Variants in BIN1 observed in about 807,000 individuals in gnomAD.
BIN1 encodes the protein myc box-dependent-interacting protein 1.
BIN1 carries 53 observed loss-of-function variants against 82.0 expected under a neutral mutation model. The ratio of observed to expected loss-of-function variants is 0.65; its 90% CI spans 0.52 to 0.81. BIN1 has a LOEUF of 0.81. Ranked by LOEUF, BIN1 falls within the 40% of genes least tolerant of loss-of-function variation. BIN1 has a pLI of 0.00. For synonymous variants in BIN1, 302 were observed against 328.0 expected, an observed-to-expected ratio of 0.92 and a Z score of 0.86; for missense variants, 642 against 784.4, an observed-to-expected ratio of 0.82 and a Z score of 2.17.
intron 4 of BIN1, among the ~76,000 whole-genome samples, 169 bp downstream of exon 4, chr2:127,070,384 C>T (rs1159190443): frequency 6.6e-6 from 1 of 152,172 alleles, no homozygotes. Flanking sequence ...GGTGTGAGGG[C>T]GTGTCAGGAG....
intron 2 of BIN1, among the ~76,000 whole-genome samples, chr2:127,071,494 A>G (rs1685892327): frequency 6.6e-6 from 1 of 152,194 alleles, no homozygotes; most frequent in Admixed American, 6.5e-5. Flanking sequence ...CTCCCTGAGC[A>G]GGGAGAGTGT....
rs575072529 is a variant in BIN1, at chr2:127,107,048, C to G, written c.-105G>C. 46 of 1,148,666 alleles carry G rather than the reference C, an allele frequency of 4.0e-5. No individual in the cohort carries two copies. The African/African-American group carries it at 5.1e-4, about 13-fold the overall frequency. 71.2% of individuals were successfully genotyped at this position (1,148,666 alleles called of 1,614,324 possible). A position where few individuals can be genotyped will look rare whatever the true frequency, so the allele number is the denominator to read the frequency against. On this transcript the variant is annotated 5_prime_UTR_variant, in exon 1 of 19. Transcript: ENST00000316724. This position sits in a 1 kb window ranked among gnomAD's most constrained non-coding sequence, Gnocchi z 5.9. ...CCGGCCGCGCGTCCAGACCGGCTGC[C>G]GCTCCACGCCGCGCACCCGACAGCG... is the stretch of plus-strand genomic sequence containing the variant.
chr2:127,098,636 C>T (rs897053311), intron 1 of BIN1, among the ~76,000 whole-genome samples: 8 of 152,068 alleles, frequency 5.3e-5, no homozygotes, highest in Non-Finnish European at 7.4e-5. Context: ...CAACGGGGGC[C>T]GAAGGTGCAG....
chr2:127,081,788 A>G, intron 1 of BIN1: 1 of 1,284,100 alleles, frequency 7.8e-7, no homozygotes, highest in Non-Finnish European at 1.0e-6. Flanking sequence ...CCAGGCACCC[A>G]CCACCCAGCT....
At chr2:127,083,088 T>C (rs1687505616) in intron 1 of BIN1, among the ~76,000 whole-genome samples, 1 of 151,700 alleles carries the variant, frequency 6.6e-6, no homozygotes, top group African/African-American at 2.4e-5. Flanking sequence ...CTTTTTTTTT[T>C]TTTCTTTTTT....
intron 1 of BIN1, among the ~76,000 whole-genome samples, chr2:127,097,657 C>A (rs1397657812): frequency 6.6e-6 from 1 of 152,226 alleles, no homozygotes; most frequent in Non-Finnish European, 1.5e-5. Context: ...AGACTCCAGG[C>A]TCATCCCCTC....
intron 1 of BIN1, among the ~76,000 whole-genome samples, chr2:127,100,494 G>A (rs1168088616): frequency 2.6e-5 from 4 of 152,212 alleles, no homozygotes; most frequent in Non-Finnish European, 5.9e-5. Flanking sequence ...GGAGGTAGAA[G>A]CCCAGACGGC....
intron 1 of BIN1, among the ~76,000 whole-genome samples, chr2:127,083,497 C>G (rs1277851512): frequency 6.6e-6 from 1 of 152,220 alleles, no homozygotes. Flanking sequence ...CCCCTAAATA[C>G]TCCAACAGAT....
chr2:127,081,735 C>A (rs1456926518), intron 1 of BIN1: 1 of 1,214,364 alleles, frequency 8.2e-7, no homozygotes, highest in Non-Finnish European at 1.1e-6. Context: ...ACCCCACCCC[C>A]ACACACACAT....
intron 7 of BIN1, among the ~76,000 whole-genome samples, chr2:127,065,830 G>A (rs569046463): frequency 1.9e-4 from 29 of 152,326 alleles, no homozygotes; most frequent in Admixed American, 3.3e-4. Flanking sequence ...GTCAGGACCC[G>A]TGTCTTGTAT....
At position 127,106,970 on chromosome 2, in the gene BIN1, G is replaced by A. The variant is rs11554586; in HGVS notation, c.-27C>T. ...GCGGCGCAGGCCTCGCCCGGTGGCA[G>A]GGGCCGCTCTCGCGCGGGGAGATCT... is the stretch of plus-strand genomic sequence containing the variant. On this transcript the variant is annotated 5_prime_UTR_variant, in exon 1 of 19. Transcript: ENST00000316724. 260,673 of 1,600,126 alleles carry A rather than the reference G, an allele frequency of 0.16. 22,851 individuals are homozygous for A. Among genetic ancestry groups the A allele is most frequent in the Non-Finnish European group, 0.18 (212,208 of 1,175,274 alleles).
At chr2:127,087,170 C>T (rs192679491) in intron 1 of BIN1, among the ~76,000 whole-genome samples, 9 of 152,304 alleles carry the variant, frequency 5.9e-5, no homozygotes, top group Admixed American at 5.2e-4. Flanking sequence ...TGGTCAAAAA[C>T]GAAAACACAG....
chr2:127,073,410 C>T lies in BIN1; in HGVS notation c.166-2594G>A, dbSNP rs531262787. Among the ~76,000 whole-genome samples the T allele has an allele frequency of 1.7e-4, 26 of 152,314 alleles. No individual in the cohort carries two copies. The East Asian group carries it at 2.3e-3, about 14-fold the overall frequency. On this transcript the variant is annotated intron_variant, in intron 2 of 18. Transcript: ENST00000316724. ...AGCCCAGCTGGGGGAAGATAAGATTCGGGAGCCACTGCCCACCTCAGCCTG... is the reference window on the plus strand; with the variant it reads ...AGCCCAGCTGGGGGAAGATAAGATTTGGGAGCCACTGCCCACCTCAGCCTG...
At chr2:127,089,226 C>T (rs909131524) in intron 1 of BIN1, among the ~76,000 whole-genome samples, 1 of 152,206 alleles carries the variant, frequency 6.6e-6, no homozygotes, top group Non-Finnish European at 1.5e-5. Flanking sequence ...AACCACTGCA[C>T]ATGCGGCCTC....
At chr2:127,072,301 G>T (rs1685988478) in intron 2 of BIN1, among the ~76,000 whole-genome samples, 1 of 152,274 alleles carries the variant, frequency 6.6e-6, no homozygotes, top group South Asian at 2.1e-4. Flanking sequence ...CCTTAGCCGG[G>T]GCTGCTCTTC....
chr2:127,057,807 G>A lies in BIN1; in HGVS notation c.1003-206C>T, dbSNP rs1250079900. ...CCAAGACCCCAGGCCACCCCCGAGA[G>A]GGACACTGAGGCAGGCGGTCCAGAA... On this transcript the variant is annotated intron_variant, in intron 11 of 18. Transcript: ENST00000316724. The surrounding 1 kb of genome is among the most constrained non-coding windows in gnomAD (Gnocchi z 5.0). Among the ~76,000 whole-genome samples the A allele has an allele frequency of 6.6e-6, 1 of 151,928 alleles. No individual in the cohort carries two copies. Among genetic ancestry groups the A allele is most frequent in the African/African-American group, 2.4e-5 (1 of 41,332 alleles).
chr2:127,050,677 G>A lies in BIN1; in HGVS notation c.1572+125C>T. 4.5e-6 allele frequency: 6 copies of A among 1,341,084 alleles called. No individual in the cohort carries two copies. The South Asian group carries it at 7.2e-5, about 16-fold the overall frequency. 83.1% of individuals were successfully genotyped at this position (1,341,084 alleles called of 1,614,324 possible). ...TATGGGGCTCAGATGCCACCTTGCT[G>A]GCTGGGAGTGACCTAGTAGCGCCTG... On this transcript the variant is annotated intron_variant, in intron 17 of 18. Transcript: ENST00000316724.
intron 2 of BIN1, among the ~76,000 whole-genome samples, chr2:127,073,512 C>T (rs1474309707): frequency 1.3e-5 from 2 of 152,144 alleles, no homozygotes; most frequent in African/African-American, 4.8e-5. Context: ...GCCAGCATCC[C>T]CAAGCCCTCG....
At chr2:127,099,034 G>T (rs1573806303) in intron 1 of BIN1, among the ~76,000 whole-genome samples, 1 of 152,296 alleles carries the variant, frequency 6.6e-6, no homozygotes, top group African/African-American at 2.4e-5. Flanking sequence ...GGTGGCCGGG[G>T]CAGGGTGGGA....
Sources: allele counts gnomAD v4.1 joint callset (sites outside exome capture counted in the v4.1 genomes callset), GRCh38; gene constraint gnomAD v4.1.1; non-coding constraint Gnocchi (gnomAD v3.1); transcripts MANE v1.5; gene names NCBI Gene and HGNC (gene_info 2026-07-23, HGNC 2026-07-21).